DOCK9: variants seen among roughly 807,000 people sequenced by gnomAD.
DOCK9 encodes the protein dedicator of cytokinesis 9, also known as dedicator of cytokinesis protein 9.
In DOCK9, 89 loss-of-function variants were observed where a neutral mutation model predicts 263.3. The ratio of observed to expected loss-of-function variants is 0.34; its 90% CI spans 0.28 to 0.40. DOCK9 has a LOEUF of 0.40. Ranked by LOEUF, DOCK9 falls within the 10% of genes least tolerant of loss-of-function variation. The probability of loss-of-function intolerance (pLI) is 1.00; values close to 1 mark genes in which losing one functional copy is unlikely to be tolerated. For missense variants in DOCK9, 2,140 were observed against 2,603.4 expected, an observed-to-expected ratio of 0.82 and a Z score of 3.87; for synonymous variants, 976 against 973.1, an observed-to-expected ratio of 1.00 and a Z score of -0.06.
chr13:98,799,066 G>A (rs550289238), intron 50 of DOCK9, among the ~76,000 whole-genome samples: 31 of 152,228 alleles, frequency 2.0e-4, no homozygotes, highest in African/African-American at 7.5e-4. Flanking sequence ...CATGTTGCTG[G>A]AATACTTATG....
rs1391148461 is a variant in DOCK9 at position 98,883,908 on chromosome 13, A to C, written c.2383-9T>G. ...ATTTCCGGACCATAATGCTAAAAAAAATATGGAAGAAACAATATCCCTACA... is the reference window on the plus strand; with the variant it reads ...ATTTCCGGACCATAATGCTAAAAAACATATGGAAGAAACAATATCCCTACA... On this transcript the variant is annotated splice_polypyrimidine_tract_variant and intron_variant, in intron 21 of 52. Transcript: ENST00000682017. 1.9e-6 allele frequency: 3 copies of C among 1,591,080 alleles called. No homozygotes were observed. In the South Asian group the frequency reaches 3.4e-5, roughly 18 times the overall value.
At chr13:99,028,563 G>A (rs1887016199) in intron 1 of DOCK9, among the ~76,000 whole-genome samples, 1 of 152,154 alleles carries the variant, frequency 6.6e-6, no homozygotes, top group African/African-American at 2.4e-5. Flanking sequence ...GGAGAGGGAG[G>A]GAGGGAACGA....
intron 23 of DOCK9, among the ~76,000 whole-genome samples, chr13:98,882,419 T>C (rs750001337): frequency 5.3e-5 from 8 of 152,218 alleles, no homozygotes; most frequent in Admixed American, 3.9e-4. Context: ...TATGTGGATA[T>C]GTATTCCATT....
At chr13:98,817,061 T>C in intron 45 of DOCK9, among the ~76,000 whole-genome samples, 1 of 152,318 alleles carries the variant, frequency 6.6e-6, no homozygotes, top group South Asian at 2.1e-4. Flanking sequence ...GAAGATCTTA[T>C]TACTTGGTAT....
chr13:98,850,002 C>A lies in DOCK9; in HGVS notation c.4013+45G>T, dbSNP rs372900518. 3.1e-5 allele frequency: 43 copies of A among 1,372,972 alleles called. No individual in the cohort carries two copies. The African/African-American group carries it at 6.1e-4, about 19-fold the overall frequency. The allele number at this position is 1,372,972 out of a possible 1,614,324, so 85.0% of individuals were successfully genotyped here. A position where few individuals can be genotyped will look rare whatever the true frequency, so the allele number is the denominator to read the frequency against. On this transcript the variant is annotated intron_variant, in intron 36 of 52. Coordinates refer to ENST00000682017, the MANE Select transcript of DOCK9 (RefSeq NM_001366683.2). ...AGTATTCTTCAAGCCTCTTAATGATCCAGGAAAAAATCAAGAGGCAGTGAT... is the reference window on the plus strand; with the variant it reads ...AGTATTCTTCAAGCCTCTTAATGATACAGGAAAAAATCAAGAGGCAGTGAT...
In DOCK9 at chr13:98,885,723, C is replaced by T. The variant is rs763680458; in HGVS notation, c.2245G>A (p.Val749Ile). 3 of 1,611,248 alleles carry T rather than the reference C, an allele frequency of 1.9e-6. No individual in the cohort carries two copies. The highest frequency in any genetic ancestry group is 2.2e-5 in the East Asian group (1 of 44,740). The change falls in exon 20 of 53, where the codon GTC becomes ATC. Residue 749 changes from valine to isoleucine, a missense_variant. By Grantham distance (29) the Val-to-Ile change is conservative. Around this residue, in one of 2 missense-constraint regions of DOCK9, gnomAD observed 1,521 missense variants for 1,741.7 expected, o/e 0.87. Transcript: ENST00000682017. ...SSKGSTKKRD[V>I]VETQVGYSWL... is the part of the protein sequence containing the mutation. ...CCCCCCCAACCTTGGGTTTCAACGACATCCCTCTTCTTCGTGCTTCCTTTA... is the reference window on the plus strand; with the variant it reads ...CCCCCCCAACCTTGGGTTTCAACGATATCCCTCTTCTTCGTGCTTCCTTTA...
At chr13:98,938,035 A>G (rs1383571306) in intron 2 of DOCK9, among the ~76,000 whole-genome samples, 2 of 152,170 alleles carry the variant, frequency 1.3e-5, no homozygotes, top group Non-Finnish European at 1.5e-5. Context: ...TCCTGCTTCT[A>G]TCATCACTCA....
chr13:98,823,367 C>G (rs1169564177), intron 45 of DOCK9, among the ~76,000 whole-genome samples: 2 of 152,208 alleles, frequency 1.3e-5, no homozygotes, highest in Non-Finnish European at 2.9e-5. Flanking sequence ...TGACTTATGG[C>G]CTAGCTCATG....
intron 7 of DOCK9, among the ~76,000 whole-genome samples, chr13:98,920,335 C>T (rs1262508356): frequency 6.6e-6 from 1 of 152,170 alleles, no homozygotes; most frequent in Non-Finnish European, 1.5e-5. Context: ...CTAATACTGA[C>T]CAAATGCTTA....
intron 10 of DOCK9, among the ~76,000 whole-genome samples, chr13:98,903,622 CA>C (rs200600461): frequency 0.61 from 75,851 of 124,026 alleles, 21,532 homozygotes; most frequent in Non-Finnish European, 0.64. Context: ...AAAAAAAAGA[CA>C]AAAAAAAAAA....
chr13:98,938,211 T>G (rs2055221632), intron 2 of DOCK9, among the ~76,000 whole-genome samples: 1 of 152,208 alleles, frequency 6.6e-6, no homozygotes. Context: ...CCACAAGAAA[T>G]GTGAAGCGAA....
intron 1 of DOCK9, among the ~76,000 whole-genome samples, chr13:98,961,045 G>C (rs947748804): frequency 6.6e-6 from 1 of 152,184 alleles, no homozygotes; most frequent in Non-Finnish European, 1.5e-5. Context: ...AGCAGCCCTG[G>C]GCTAGTGGAA....
intron 1 of DOCK9, among the ~76,000 whole-genome samples, chr13:99,000,059 G>A (rs1444143625): frequency 6.6e-6 from 1 of 152,174 alleles, no homozygotes; most frequent in Non-Finnish European, 1.5e-5. Flanking sequence ...TTAGGGCTCT[G>A]CCTGCCTTAA....
intron 45 of DOCK9, among the ~76,000 whole-genome samples, chr13:98,817,104 T>G (rs569224956): frequency 6.6e-6 from 1 of 152,308 alleles, no homozygotes; most frequent in South Asian, 2.1e-4. Flanking sequence ...AAGCAAGATA[T>G]CTGTATACAG....
At chr13:98,810,863 T>G (rs1466242314) in intron 45 of DOCK9, among the ~76,000 whole-genome samples, 3 of 152,226 alleles carry the variant, frequency 2.0e-5, no homozygotes, top group Non-Finnish European at 4.4e-5. Flanking sequence ...AATTGTGGCC[T>G]GGACTTACAC....
intron 7 of DOCK9, among the ~76,000 whole-genome samples, chr13:98,919,045 G>A (rs1566962650): frequency 6.6e-6 from 1 of 152,092 alleles, no homozygotes; most frequent in Admixed American, 6.5e-5. Flanking sequence ...CTATTTCAAG[G>A]GAATAGGATG....
At chr13:98,848,354 C>A (rs2093453666) in intron 37 of DOCK9, among the ~76,000 whole-genome samples, 1 of 152,064 alleles carries the variant, frequency 6.6e-6, no homozygotes. Flanking sequence ...GTAGACACAG[C>A]CCGCTAAAGG....
chr13:98,932,639 T>A (rs1382982193), intron 2 of DOCK9, among the ~76,000 whole-genome samples: 4 of 152,206 alleles, frequency 2.6e-5, no homozygotes, highest in African/African-American at 9.6e-5. Context: ...CTTCAGGGCA[T>A]GTGTTTTGTG....
chr13:99,000,193 C>A (rs1156969654), intron 1 of DOCK9, among the ~76,000 whole-genome samples: 2 of 152,136 alleles, frequency 1.3e-5, no homozygotes, highest in Non-Finnish European at 2.9e-5. Flanking sequence ...TATAAATATG[C>A]CACAATCCTT....
Sources: allele counts gnomAD v4.1 joint callset (sites outside exome capture counted in the v4.1 genomes callset), GRCh38; gene constraint gnomAD v4.1.1; regional missense constraint gnomAD v4.1.1; transcripts MANE v1.5; gene names NCBI Gene and HGNC (gene_info 2026-07-23, HGNC 2026-07-21).